GLIPR1L1: variants seen among roughly 807,000 people sequenced by gnomAD.
GLIPR1L1 encodes the protein GLIPR1-like protein 1.
Under a neutral mutation model 29.9 loss-of-function variants are expected in GLIPR1L1, and 26 were observed. The observed-to-expected ratio is 0.87, with a 90% CI of 0.64 to 1.21. The LOEUF (loss-of-function observed/expected upper bound fraction) is 1.21, where lower values mean the gene tolerates loss of function less well. Among genes scored for constraint, GLIPR1L1 ranks in the 50% most tolerant of loss-of-function variants. The probability of loss-of-function intolerance (pLI) is 0.00; values close to 1 mark genes in which losing one functional copy is unlikely to be tolerated. For missense variants in GLIPR1L1, 305 were observed against 290.3 expected (o/e 1.05, Z -0.37); for synonymous variants, 77 against 97.5 (o/e 0.79, Z 1.24).
intron 3 of GLIPR1L1, among the ~76,000 whole-genome samples, chr12:75,357,529 T>A (rs1293406516): frequency 2.0e-5 from 3 of 152,090 alleles, no homozygotes; most frequent in Non-Finnish European, 4.4e-5. Context: ...CATGGTAGAC[T>A]ATACCACCCC....
chr12:75,354,123 G>A (rs572062109), intron 3 of GLIPR1L1, among the ~76,000 whole-genome samples: 4 of 136,394 alleles, frequency 2.9e-5, no homozygotes, highest in Admixed American at 7.5e-5. Context: ...ATTCAACATA[G>A]TATTGGAAGT....
chr12:75,358,796 A>G (rs1026148942), intron 3 of GLIPR1L1, among the ~76,000 whole-genome samples: 1 of 144,022 alleles, frequency 6.9e-6, no homozygotes, highest in Non-Finnish European at 1.5e-5. Context: ...ATAACAATAT[A>G]TAATATATTA....
chr12:75,353,579 G>GATA (rs1158112424), intron 3 of GLIPR1L1, among the ~76,000 whole-genome samples: 1 of 152,172 alleles, frequency 6.6e-6, no homozygotes, highest in African/African-American at 2.4e-5. Context: ...AAGAGGAGCT[G>GATA]ATACCCTTTC....
chr12:75,339,099 T>C (rs1445878808), intron 1 of GLIPR1L1, among the ~76,000 whole-genome samples: 1 of 152,230 alleles, frequency 6.6e-6, no homozygotes, highest in Non-Finnish European at 1.5e-5. Context: ...ATGATCTATA[T>C]TCCTTTGGGT....
chr12:75,340,856 T>C (rs913539721), intron 1 of GLIPR1L1, among the ~76,000 whole-genome samples: 1 of 150,970 alleles, frequency 6.6e-6, no homozygotes, highest in Non-Finnish European at 1.5e-5. Flanking sequence ...ATTAGTGAAA[T>C]GCAAATTAAA....
chr12:75,366,875 T>C, intron 4 of GLIPR1L1: 2 of 701,518 alleles, frequency 2.9e-6, no homozygotes, highest in South Asian at 3.0e-5. Context: ...TAAAACTAAT[T>C]TTGTTGAGGG....
At chr12:75,335,505 T>G (rs1422757497) in intron 1 of GLIPR1L1, among the ~76,000 whole-genome samples, 1 of 152,212 alleles carries the variant, frequency 6.6e-6, no homozygotes, top group African/African-American at 2.4e-5. Flanking sequence ...TTTTCTTGTT[T>G]ATAAATGCAT....
At chr12:75,370,044 T>G (rs1365508217) in intron 5 of GLIPR1L1, 41 bp from the exon 6 acceptor site, 9 of 1,333,848 alleles carry the variant, frequency 6.7e-6, no homozygotes, top group Non-Finnish European at 9.6e-6. Context: ...GAAAATCAAT[T>G]GAACTCTTAA....
chr12:75,344,684 G>A (rs972861764), intron 2 of GLIPR1L1, among the ~76,000 whole-genome samples: 4 of 151,646 alleles, frequency 2.6e-5, no homozygotes, highest in African/African-American at 9.7e-5. Flanking sequence ...TATTATATTC[G>A]CAATTTGTAC....
intron 3 of GLIPR1L1, among the ~76,000 whole-genome samples, chr12:75,359,050 T>C (rs1439414766): frequency 6.6e-6 from 1 of 150,376 alleles, no homozygotes; most frequent in African/African-American, 2.4e-5. Context: ...ATTGCTACTG[T>C]ATAGAAAATC....
At chr12:75,365,772 CCCTAT>C (rs369597101) in intron 4 of GLIPR1L1, among the ~76,000 whole-genome samples, 171 of 152,090 alleles carry the variant, frequency 1.1e-3, no homozygotes, top group African/African-American at 4.0e-3. Context: ...CATTTTTATA[CCCTAT>C]GAATTGTGGG....
chr12:75,358,044 AC>A (rs2043269496), intron 3 of GLIPR1L1, among the ~76,000 whole-genome samples: 2 of 151,818 alleles, frequency 1.3e-5, no homozygotes, highest in African/African-American at 4.8e-5. Flanking sequence ...ACAGTTAAAA[AC>A]ATCGATGAAA....
chr12:75,362,166 T>G (rs995325665), intron 3 of GLIPR1L1, among the ~76,000 whole-genome samples: 4 of 152,086 alleles, frequency 2.6e-5, no homozygotes, highest in African/African-American at 9.7e-5. Context: ...TAGGAAGAAC[T>G]CTCACAACTC....
chr12:75,357,756 C>T (rs112452345), intron 3 of GLIPR1L1, among the ~76,000 whole-genome samples: 4 of 151,724 alleles, frequency 2.6e-5, no homozygotes, highest in African/African-American at 9.7e-5. Flanking sequence ...TTCTAAATAA[C>T]TCATGAATCA....
chr12:75,358,826 A>G (rs1416555155), intron 3 of GLIPR1L1, among the ~76,000 whole-genome samples: 1 of 143,922 alleles, frequency 6.9e-6, no homozygotes, highest in Admixed American at 7.1e-5. Context: ...AAATATATAT[A>G]ATATATAACA....
Position 75,370,209 on chromosome 12 carries a change from TTAAAA to T in GLIPR1L1, c.*38_*42del, listed in dbSNP as rs774756061. ...TATATACAAAAGAAATTCTCAAATG[TTAAAA>T]TAAAGGAATAGTTTATTGCTTAATA... On this transcript the variant is annotated 3_prime_UTR_variant, in exon 6 of 6. Transcript: ENST00000378695. 39 of 1,116,692 alleles carry T rather than the reference TTAAAA, an allele frequency of 3.5e-5. No individual in the cohort carries two copies. Among genetic ancestry groups the T allele is most frequent in the Middle Eastern group, 2.0e-4 (1 of 5,104 alleles). The allele number at this position is 1,116,692 out of a possible 1,614,324, so 69.2% of individuals were successfully genotyped here. A position where few individuals can be genotyped will look rare whatever the true frequency, so the allele number is the denominator to read the frequency against.
At chr12:75,356,662 A>C (rs1184965330) in intron 3 of GLIPR1L1, among the ~76,000 whole-genome samples, 1 of 152,202 alleles carries the variant, frequency 6.6e-6, no homozygotes, top group Non-Finnish European at 1.5e-5. Context: ...GAAGCAAATA[A>C]AATGAATAAG....
chr12:75,363,834 C>A (rs1257406061), intron 4 of GLIPR1L1, among the ~76,000 whole-genome samples: 1 of 152,098 alleles, frequency 6.6e-6, no homozygotes, highest in Admixed American at 6.6e-5. Flanking sequence ...TTGTTTTTTA[C>A]ATTTTAAGGA....
At chr12:75,345,882 AT>A (rs2042409740) in intron 2 of GLIPR1L1, among the ~76,000 whole-genome samples, 1 of 152,218 alleles carries the variant, frequency 6.6e-6, no homozygotes, top group Non-Finnish European at 1.5e-5. Context: ...GTATTACTAA[AT>A]CAGAAAGGGG....
Sources: allele counts gnomAD v4.1 joint callset (sites outside exome capture counted in the v4.1 genomes callset), GRCh38; gene constraint gnomAD v4.1.1; transcripts MANE v1.5; gene names NCBI Gene and HGNC (gene_info 2026-07-23, HGNC 2026-07-21).